The following SNRPN variants were observed in gnomAD, a reference collection of about 807,000 sequenced individuals.
SNRPN encodes small nuclear ribonucleoprotein-associated protein N.
A neutral mutation model predicts 25.2 loss-of-function variants in SNRPN; 7 were observed. The observed-to-expected ratio is 0.28, with a 90% CI of 0.16 to 0.52. The LOEUF (loss-of-function observed/expected upper bound fraction) is 0.52. Ranked by LOEUF, SNRPN falls within the 20% of genes least tolerant of loss-of-function variation. The probability of loss-of-function intolerance (pLI) is 0.96; values close to 1 mark genes in which losing one functional copy is unlikely to be tolerated. For synonymous variants in SNRPN, 124 were observed against 110.6 expected, an observed-to-expected ratio of 1.12 and a Z score of -0.76; for missense variants, 196 against 322.5, an observed-to-expected ratio of 0.61 and a Z score of 3.00.
At chr15:24,852,277 C>T (rs1316603941), upstream of SNRPN, 2 of 152,126 alleles carry the variant, frequency 1.3e-5, no homozygotes, top group Admixed American at 6.6e-5. Flanking sequence ...TGTTTTATTT[C>T]GTGTATCCTG....
intron 2 of SNRPN, among the ~76,000 whole-genome samples, chr15:24,918,408 TAATATATATGTGTATATATAACATAA>T (rs2059690156): frequency 1.5e-5 from 1 of 67,872 alleles, no homozygotes; most frequent in Non-Finnish European, 2.9e-5. Context: ...ATATATAACA[TAATATATATGTGTATATATAACATAA>T]TATATATGTG....
In SNRPN at chr15:24,974,804, C is replaced by T. The variant is rs142305213; in HGVS notation, c.3+348C>T. ...AGGCTCCTGACCTCTGGTGATCCACCCACCTCGGCCTCCCAAAGTGCTGGG... is the reference window on the plus strand; with the variant it reads ...AGGCTCCTGACCTCTGGTGATCCACTCACCTCGGCCTCCCAAAGTGCTGGG... On this transcript the variant is annotated intron_variant, in intron 4 of 9. Coordinates refer to ENST00000390687, the MANE Select transcript of SNRPN (RefSeq NM_003097.6). 3,198 of 642,848 alleles carry T rather than the reference C, an allele frequency of 5.0e-3. 72 individuals carry two copies. In the African/African-American group the frequency reaches 0.052, roughly 10 times the overall value. The allele number at this position is 642,848 out of a possible 1,614,324, so 39.8% of individuals were successfully genotyped here.
chr15:24,926,329 A>G (rs1452149640), intron 3 of SNRPN, among the ~76,000 whole-genome samples: 1 of 152,214 alleles, frequency 6.6e-6, no homozygotes, highest in Non-Finnish European at 1.5e-5. Flanking sequence ...AAATATACGA[A>G]AGGCATACAG....
intron 4 of SNRPN, 169 bp downstream of exon 4, chr15:24,974,625 A>AT: frequency 1.4e-6 from 1 of 711,952 alleles, no homozygotes; most frequent in Non-Finnish European, 2.5e-6. Flanking sequence ...TGATTTTTTT[A>AT]TTTTTATTTT....
At chr15:24,844,682 G>T (rs374097217) in intron 2 of SNRPN, among the ~76,000 whole-genome samples, 1 of 151,964 alleles carries the variant, frequency 6.6e-6, no homozygotes, top group African/African-American at 2.4e-5. Context: ...CCTCTATCAT[G>T]CCCGGCTAAT....
chr15:24,952,121 T>C (rs958636997), upstream of SNRPN, among the ~76,000 whole-genome samples: 5 of 152,158 alleles, frequency 3.3e-5, no homozygotes, highest in African/African-American at 9.7e-5. Context: ...ACAAATGTTA[T>C]ATATCACATT....
chr15:24,944,127 A>G (rs1252021991), intron 3 of SNRPN, among the ~76,000 whole-genome samples: 1 of 152,184 alleles, frequency 6.6e-6, no homozygotes, highest in Non-Finnish European at 1.5e-5. Context: ...TGGCTGCATC[A>G]TTGGTTCTTG....
chr15:24,824,993 T>C (rs1328356683), intron 1 of SNRPN, among the ~76,000 whole-genome samples: 1 of 152,122 alleles, frequency 6.6e-6, no homozygotes, highest in Non-Finnish European at 1.5e-5. Flanking sequence ...ATGGCTGTTA[T>C]ACAAGTAATG....
intron 3 of SNRPN, among the ~76,000 whole-genome samples, chr15:24,939,225 C>T (rs996649175): frequency 2.6e-5 from 4 of 152,076 alleles, no homozygotes; most frequent in African/African-American, 9.7e-5. Flanking sequence ...TTCCTCTGGT[C>T]TTCACCATGA....
chr15:24,830,354 A>C (rs1595338427), intron 2 of SNRPN, among the ~76,000 whole-genome samples: 2 of 152,062 alleles, frequency 1.3e-5, no homozygotes, highest in Middle Eastern at 3.4e-3. Flanking sequence ...ATGCTATCCT[A>C]CTTAACTTTG....
intron 3 of SNRPN, among the ~76,000 whole-genome samples, chr15:24,969,280 C>G (rs1294540036): frequency 1.3e-5 from 2 of 152,202 alleles, no homozygotes; most frequent in East Asian, 1.9e-4. Context: ...AGGCACCCAC[C>G]ACCACACCTG....
upstream of SNRPN, among the ~76,000 whole-genome samples, chr15:24,855,743 G>A (rs1422187472): frequency 1.5e-5 from 2 of 130,266 alleles, no homozygotes; most frequent in Admixed American, 9.5e-5. Flanking sequence ...AGTGAGCCAA[G>A]ATTGCACCAT....
Position 24,962,260 on chromosome 15 carries a change from A to G in SNRPN, c.-295+51A>G, listed in dbSNP as rs766763350. 2.8e-6 allele frequency: 4 copies of G among 1,447,874 alleles called. No individual in the cohort carries two copies. The South Asian group carries it at 3.4e-5, about 12-fold the overall frequency. The allele number at this position is 1,447,874 out of a possible 1,614,324, so 89.7% of individuals were successfully genotyped here. ...AATGCAAGTCAGAATCTCCTTTCAG[A>G]TTAGAACAAAATATCATGCAATGAG... On this transcript the variant is annotated intron_variant, in intron 2 of 9. Coordinates refer to ENST00000390687, the MANE Select transcript of SNRPN (RefSeq NM_003097.6).
chr15:24,936,450 G>C (rs2061239787), intron 3 of SNRPN, among the ~76,000 whole-genome samples: 1 of 152,128 alleles, frequency 6.6e-6, no homozygotes, highest in African/African-American at 2.4e-5. Flanking sequence ...TTTGGACCAA[G>C]GGCCTAGTGA....
At chr15:24,962,286 G>A in intron 2 of SNRPN, 77 bp downstream of exon 2, 2 of 1,165,602 alleles carry the variant, frequency 1.7e-6, no homozygotes, top group South Asian at 1.2e-5. Flanking sequence ...ATGCAATGAG[G>A]GGATTAAAAT....
At chr15:24,930,760 A>G (rs2060788825) in intron 3 of SNRPN, among the ~76,000 whole-genome samples, 2 of 151,984 alleles carry the variant, frequency 1.3e-5, no homozygotes, top group Admixed American at 6.6e-5. Context: ...TTAGCAGGGC[A>G]TGGTGGTGAG....
At chr15:24,942,226 G>T (rs939175767) in intron 3 of SNRPN, 2 of 152,128 alleles carry the variant, frequency 1.3e-5, no homozygotes, top group African/African-American at 4.8e-5. Flanking sequence ...GGTCAACTAG[G>T]GATATTTGTG....
Position 24,967,641 on chromosome 15 carries a change from TAA to T in SNRPN, c.-294-275_-294-274del, listed in dbSNP as rs35079024. On this transcript the variant is annotated intron_variant, in intron 2 of 9. Coordinates refer to ENST00000390687, the MANE Select transcript of SNRPN (RefSeq NM_003097.6). Reference sequence around the variant, plus strand: ...TGGGCGACAGAGTGAGACTCTGTCTTAAAAAAAAAAAAAAAAATTAGCTGGGT... The same window carrying T: ...TGGGCGACAGAGTGAGACTCTGTCTTAAAAAAAAAAAAAAATTAGCTGGGT... 3.8e-3 allele frequency among the ~76,000 whole-genome samples: 509 copies of T among 133,908 alleles called. 3 individuals are homozygous for T. The highest frequency in any genetic ancestry group is 9.9e-3 in the African/African-American group (358 of 36,030). The allele number at this position is 133,908 out of a possible 152,430, so 87.8% of individuals were successfully genotyped here.
chr15:24,906,954 G>T (rs1024727777), intron 2 of SNRPN, among the ~76,000 whole-genome samples: 2 of 152,094 alleles, frequency 1.3e-5, no homozygotes, highest in African/African-American at 4.8e-5. Context: ...TAAAAGGCTG[G>T]CAGGGGAGGG....
Sources: allele counts gnomAD v4.1 joint callset (sites outside exome capture counted in the v4.1 genomes callset), GRCh38; gene constraint gnomAD v4.1.1; transcripts MANE v1.5; gene names NCBI Gene and HGNC (gene_info 2026-07-23, HGNC 2026-07-21).